The following CABIN1 variants were observed in gnomAD, a reference collection of about 807,000 sequenced individuals.
CABIN1 encodes the protein calcineurin binding protein 1.
Under a neutral mutation model 227.7 loss-of-function variants are expected in CABIN1, and 133 were observed. The ratio of observed to expected loss-of-function variants is 0.58; its 90% CI spans 0.51 to 0.67. The LOEUF (loss-of-function observed/expected upper bound fraction) is 0.67. Among genes scored for constraint, CABIN1 ranks in the 30% least tolerant of loss-of-function variants. CABIN1 has a pLI of 0.00. For missense variants in CABIN1, 2,408 were observed against 2,852.5 expected (o/e 0.84, Z 3.55); for synonymous variants, 1,086 against 1,155.1 (o/e 0.94, Z 1.21).
intron 29 of CABIN1, among the ~76,000 whole-genome samples, chr22:24,152,143 G>A (rs1056711168): frequency 2.0e-5 from 3 of 152,244 alleles, no homozygotes; most frequent in African/African-American, 7.2e-5. Flanking sequence ...CTGAGATGGA[G>A]GCAGCCCCAG....
At chr22:24,176,007 C>G (rs1569328489) in intron 34 of CABIN1, 104 bp from the exon 35 acceptor site, 1 of 1,343,392 alleles carries the variant, frequency 7.4e-7, no homozygotes, top group East Asian at 2.5e-5. Flanking sequence ...CTCCCCTGCC[C>G]AGTGTCCCAG....
chr22:24,174,926 G>A (rs1051511575), intron 34 of CABIN1, among the ~76,000 whole-genome samples: 1 of 152,110 alleles, frequency 6.6e-6, no homozygotes, highest in Admixed American at 6.5e-5. Flanking sequence ...AAGGCCTGGT[G>A]GATGCCAGGG....
chr22:24,054,987 C>G lies in CABIN1; in HGVS notation c.921C>G (p.Ser307Arg). 1.9e-6 allele frequency: 3 copies of G among 1,614,248 alleles called. No homozygotes were observed. Among genetic ancestry groups the G allele is most frequent in the Non-Finnish European group, 2.5e-6 (3 of 1,180,046 alleles). The stretch of plus-strand genomic sequence containing the variant: ...ATTTGTCGGACTACCAGGACCCCAG[C>G]CAGCCTCTTGAGTCCTCCATGGTGG... ...RIDLSDYQDP[S>R]QPLESSMVVT... The change falls in exon 9 of 37, where the codon AGC (serine) becomes AGG (arginine). Residue 307 changes from serine to arginine, a missense_variant. Transcript: ENST00000263119.
intron 29 of CABIN1, among the ~76,000 whole-genome samples, chr22:24,161,526 T>G (rs2046152575): frequency 6.6e-6 from 1 of 152,132 alleles, no homozygotes; most frequent in African/African-American, 2.4e-5. Flanking sequence ...GCGGCGACCC[T>G]GCTTCTCTCA....
chr22:24,021,147 A>G (rs1942148091), intron 1 of CABIN1, among the ~76,000 whole-genome samples: 1 of 151,960 alleles, frequency 6.6e-6, no homozygotes. Flanking sequence ...CTACAGGTGC[A>G]TATCACCATG....
At chr22:24,023,911 T>G (rs1455053595) in intron 1 of CABIN1, among the ~76,000 whole-genome samples, 1 of 152,084 alleles carries the variant, frequency 6.6e-6, no homozygotes, top group African/African-American at 2.4e-5. Flanking sequence ...TTTTTTATTT[T>G]TAGTAGAGAT....
intron 29 of CABIN1, among the ~76,000 whole-genome samples, chr22:24,134,703 CAG>C (rs774325362): frequency 1.4e-4 from 21 of 152,214 alleles, no homozygotes; most frequent in Non-Finnish European, 2.5e-4. Flanking sequence ...GCAGTGATGA[CAG>C]GGGTACAGGC....
intron 5 of CABIN1, among the ~76,000 whole-genome samples, chr22:24,041,789 A>G (rs2037397723): frequency 6.6e-6 from 1 of 152,206 alleles, no homozygotes; most frequent in African/African-American, 2.4e-5. Flanking sequence ...CTACGCATAC[A>G]CTAATCCTCA....
rs1236833272 is a variant in CABIN1, at chr22:24,036,171, A to G, written c.86A>G (p.Lys29Arg). Residue 29 changes from lysine to arginine, a missense_variant, in exon 3 of 37, where the codon AAG (lysine) becomes AGG (arginine). Coordinates refer to ENST00000263119, the MANE Select transcript of CABIN1 (RefSeq NM_012295.4). ...TTTAAAAGTCACAAAACCCAGACAAAGGAGGCTCAGGTACGTAATGCGAGG... is the reference window on the plus strand; with the variant it reads ...TTTAAAAGTCACAAAACCCAGACAAGGGAGGCTCAGGTACGTAATGCGAGG... Reference protein sequence around the residue: ...GSFKSHKTQTKEAQEAEAFAL... With the variant: ...GSFKSHKTQTREAQEAEAFAL... The G allele has an allele frequency of 1.2e-6, 2 of 1,610,846 alleles. No individual in the cohort carries two copies. The highest frequency in any genetic ancestry group is 1.7e-5 in the Admixed American group (1 of 59,994).
At chr22:24,161,694 T>G (rs2046163103) in intron 29 of CABIN1, among the ~76,000 whole-genome samples, 1 of 152,198 alleles carries the variant, frequency 6.6e-6, no homozygotes, top group Non-Finnish European at 1.5e-5. Context: ...CTGACTTAGC[T>G]TTATCCAAGC....
At chr22:24,032,122 C>T (rs1193875656) in intron 1 of CABIN1, among the ~76,000 whole-genome samples, 1 of 152,210 alleles carries the variant, frequency 6.6e-6, no homozygotes, top group Non-Finnish European at 1.5e-5. Context: ...AGTTGAAATG[C>T]TATACCCATT....
At chr22:24,049,398 C>T (rs918128289) in intron 7 of CABIN1, among the ~76,000 whole-genome samples, 178 bp downstream of exon 7, 4 of 152,156 alleles carry the variant, frequency 2.6e-5, no homozygotes, top group Non-Finnish European at 5.9e-5. Context: ...TGTTGATCAC[C>T]CACCTCTACC....
chr22:24,087,599 C>T lies in CABIN1; in HGVS notation c.3411C>T (p.Ser1137=), dbSNP rs749009122. ...NCFRRALEID[S]SNLSLWIEYG... is the part of the protein sequence containing the mutation. ...TCCGTCGGGCCCTGGAGATTGACAG[C>T]TCCAACTTGTCCCTATGGATTGAGT... is the stretch of plus-strand genomic sequence containing the variant. Residue 1137 remains serine, a synonymous_variant, in exon 23 of 37, where the codon AGC becomes AGT. Coordinates refer to ENST00000263119, the MANE Select transcript of CABIN1 (RefSeq NM_012295.4). 7.4e-6 allele frequency: 12 copies of T among 1,614,078 alleles called. No individual in the cohort carries two copies. The highest frequency in any genetic ancestry group is 2.7e-5 in the African/African-American group (2 of 74,932).
At chr22:24,072,669 C>G (rs954878014) in intron 18 of CABIN1, among the ~76,000 whole-genome samples, 159 bp downstream of exon 18, 1 of 152,166 alleles carries the variant, frequency 6.6e-6, no homozygotes, top group African/African-American at 2.4e-5. Flanking sequence ...GCAGAAGTGT[C>G]CTTGGTTTCT....
At chr22:24,039,251 CTTGAG>C (rs1210846981) in intron 4 of CABIN1, among the ~76,000 whole-genome samples, 14 of 152,270 alleles carry the variant, frequency 9.2e-5, no homozygotes, top group Admixed American at 6.5e-4. Flanking sequence ...CTGCACAGTC[CTTGAG>C]TTGAGCAGAG....
intron 29 of CABIN1, among the ~76,000 whole-genome samples, chr22:24,134,800 G>A (rs537911672): frequency 1.3e-5 from 2 of 152,362 alleles, no homozygotes; most frequent in East Asian, 1.9e-4. Flanking sequence ...AGTGTGGGCC[G>A]GGCGCGGTGG....
intron 1 of CABIN1, among the ~76,000 whole-genome samples, chr22:24,024,553 A>G (rs150525621): frequency 6.6e-6 from 1 of 152,168 alleles, no homozygotes; most frequent in Non-Finnish European, 1.5e-5. Context: ...ATGTATGTTA[A>G]TGTCTTTAAT....
At chr22:24,052,074 T>C (rs1477064208) in intron 8 of CABIN1, among the ~76,000 whole-genome samples, 1 of 151,790 alleles carries the variant, frequency 6.6e-6, no homozygotes, top group African/African-American at 2.4e-5. Flanking sequence ...CTACAGAGGG[T>C]TGGGGTTTTG....
At chr22:24,087,392 T>C (rs1171027558) in intron 22 of CABIN1, 60 bp from the exon 23 acceptor site, 24 of 1,603,766 alleles carry the variant, frequency 1.5e-5, no homozygotes, top group Non-Finnish European at 2.0e-5. Context: ...TAGGCTGTCA[T>C]TATCTTCCAT....
Sources: allele counts gnomAD v4.1 joint callset (sites outside exome capture counted in the v4.1 genomes callset), GRCh38; gene constraint gnomAD v4.1.1; transcripts MANE v1.5; gene names NCBI Gene and HGNC (gene_info 2026-07-23, HGNC 2026-07-21).